Variants in NRIP1 observed in about 807,000 individuals in gnomAD.
NRIP1 encodes the protein nuclear receptor-interacting protein 1.
A neutral mutation model predicts 75.0 loss-of-function variants in NRIP1; 28 were observed. The observed-to-expected ratio is 0.37, with a 90% CI of 0.28 to 0.51. The LOEUF is 0.51. NRIP1 is among the 20% of genes least tolerant of loss of function. The pLI is 0.92. For synonymous variants in NRIP1, 526 were observed against 487.6 expected, an observed-to-expected ratio of 1.08 and a Z score of -1.04; for missense variants, 1,435 against 1,343.7, an observed-to-expected ratio of 1.07 and a Z score of -1.06.
At chr21:14,975,158 A>C (rs192361910) in intron 3 of NRIP1, among the ~76,000 whole-genome samples, 10 of 152,208 alleles carry the variant, frequency 6.6e-5, no homozygotes, top group African/African-American at 2.4e-4. Flanking sequence ...GGAAACATTC[A>C]TCTAGGATGT....
At chr21:15,012,441 T>C (rs1227790044) in intron 3 of NRIP1, among the ~76,000 whole-genome samples, 2 of 139,950 alleles carry the variant, frequency 1.4e-5, no homozygotes, top group Non-Finnish European at 3.1e-5. Flanking sequence ...CTATACATTA[T>C]AATGTCTTTT....
chr21:14,977,311 G>A (rs760739169), intron 3 of NRIP1, among the ~76,000 whole-genome samples: 3 of 152,144 alleles, frequency 2.0e-5, no homozygotes, highest in Non-Finnish European at 2.9e-5. Context: ...GAGAACTCTC[G>A]TTGTTCTCCA....
At chr21:14,996,326 C>T (rs9305525) in intron 3 of NRIP1, among the ~76,000 whole-genome samples, 67,693 of 151,494 alleles carry the variant, frequency 0.45, 18,274 homozygotes, top group African/African-American at 0.78. Flanking sequence ...TACAGCTCTC[C>T]AGCTACACAG....
At chr21:15,002,594 A>G (rs148972432) in intron 3 of NRIP1, among the ~76,000 whole-genome samples, 5 of 152,272 alleles carry the variant, frequency 3.3e-5, no homozygotes, top group Non-Finnish European at 7.4e-5. Context: ...CAGGGGCATA[A>G]AATTACCTCC....
Position 14,961,309 on chromosome 21 carries a change from A to G in NRIP1, c.*3407T>C, listed in dbSNP as rs2086585329. 6.6e-6 allele frequency: 1 copy of G among 152,430 alleles called. No homozygotes were observed. Among genetic ancestry groups the G allele is most frequent in the Non-Finnish European group, 1.5e-5 (1 of 67,902 alleles). The allele number at this position is 152,430 out of a possible 1,614,324, so 9.4% of individuals were successfully genotyped here. A position where few individuals can be genotyped will look rare whatever the true frequency, so the allele number is the denominator to read the frequency against. On this transcript the variant is annotated 3_prime_UTR_variant, in exon 4 of 4. Coordinates refer to ENST00000318948, the MANE Select transcript of NRIP1 (RefSeq NM_003489.4). ...CTAAAAGATTAAAAAACAAAACAAAAAAATTCACACTGCAGTATGTACAGT... is the reference window on the plus strand; with the variant it reads ...CTAAAAGATTAAAAAACAAAACAAAGAAATTCACACTGCAGTATGTACAGT...
At chr21:14,976,666 C>A (rs995158626) in intron 3 of NRIP1, among the ~76,000 whole-genome samples, 2 of 152,158 alleles carry the variant, frequency 1.3e-5, no homozygotes, top group African/African-American at 2.4e-5. Context: ...GGAACTTCTA[C>A]ACACTTTAAA....
At position 14,962,014 on chromosome 21, in the gene NRIP1, A is replaced by ATT. The variant is rs1190943964; in HGVS notation, c.*2700_*2701dup. On this transcript the variant is annotated 3_prime_UTR_variant, in exon 4 of 4. Transcript: ENST00000318948. ...CAAGTCAATATATATATATATACATATTATATATATATATATATATATATA... is the reference window on the plus strand; with the variant it reads ...CAAGTCAATATATATATATATACATATTTTATATATATATATATATATATATA... The ATT allele has an allele frequency of 3.2e-4, 18 of 55,554 alleles. No individual in the cohort carries two copies. The Admixed American group carries it at 3.4e-3, about 10-fold the overall frequency. The allele number at this position is 55,554 out of a possible 1,614,324, so 3.4% of individuals were successfully genotyped here. A position where few individuals can be genotyped will look rare whatever the true frequency, so the allele number is the denominator to read the frequency against.
At chr21:15,040,968 C>T (rs8133792) in intron 2 of NRIP1, among the ~76,000 whole-genome samples, 18,718 of 152,040 alleles carry the variant, frequency 0.12, 1,282 homozygotes, top group East Asian at 0.31. Context: ...AACACATGCA[C>T]ATCCCACCAC....
In NRIP1 at chr21:14,964,692, C is replaced by T. The variant is rs746525494; in HGVS notation, c.*24G>A. 2.7e-6 allele frequency: 4 copies of T among 1,486,038 alleles called. No individual in the cohort carries two copies. The Admixed American group carries it at 9.4e-5, about 35-fold the overall frequency. 92.1% of individuals were successfully genotyped at this position (1,486,038 alleles called of 1,614,324 possible). A position where few individuals can be genotyped will look rare whatever the true frequency, so the allele number is the denominator to read the frequency against. Reference sequence around the variant, plus strand: ...TCATACTCATTAGTTTTAAAAAGATCCAAAACTGGATGGCAGGTACATTTT... The same window carrying T: ...TCATACTCATTAGTTTTAAAAAGATTCAAAACTGGATGGCAGGTACATTTT... On this transcript the variant is annotated 3_prime_UTR_variant, in exon 4 of 4. Transcript: ENST00000318948.
intron 2 of NRIP1, among the ~76,000 whole-genome samples, chr21:15,029,602 G>A (rs1308759349): frequency 6.6e-6 from 1 of 151,626 alleles, no homozygotes; most frequent in Non-Finnish European, 1.5e-5. Flanking sequence ...TTTCTCTTTT[G>A]TTCACTGTTC....
chr21:15,055,954 G>C (rs571543974), intron 1 of NRIP1, among the ~76,000 whole-genome samples: 30 of 151,886 alleles, frequency 2.0e-4, no homozygotes, highest in Non-Finnish European at 2.8e-4. Context: ...AAAGATGAAT[G>C]AGATATTAAG....
At chr21:15,065,005 G>A (rs1342024384), upstream of NRIP1, 7 of 153,616 alleles carry the variant, frequency 4.6e-5, no homozygotes, top group Non-Finnish European at 8.7e-5. Flanking sequence ...ATGTCTGCGA[G>A]GCTGACTTTG....
intron 3 of NRIP1, among the ~76,000 whole-genome samples, chr21:14,977,775 T>G (rs2087114447): frequency 6.6e-6 from 1 of 152,194 alleles, no homozygotes; most frequent in Admixed American, 6.5e-5. Context: ...GATAATAACT[T>G]TCTTTGAAGT....
Position 14,966,743 on chromosome 21 carries a change from G to T in NRIP1, c.1450C>A (p.Gln484Lys), listed in dbSNP as rs762036529. 2 of 1,614,024 alleles carry T rather than the reference G, an allele frequency of 1.2e-6. No individual in the cohort carries two copies. The highest frequency in any genetic ancestry group is 1.1e-5 in the South Asian group (1 of 91,076). ...KVPDVDIKED[Q>K]DTSKNSKLNS... ...AGCTTAGAATTCTTTGAGGTATCTT[G>T]ATCTTCTTTGATATCTACATCTGGG... The change falls in exon 4 of 4, where the codon CAA (glutamine) becomes AAA (lysine). Residue 484 changes from glutamine (Q) to lysine (K), a missense_variant. Physicochemically the swap from Gln to Lys is moderately conservative, Grantham distance 53. Coordinates refer to ENST00000318948, the MANE Select transcript of NRIP1 (RefSeq NM_003489.4).
chr21:14,985,331 A>C (rs2087365898), intron 3 of NRIP1, among the ~76,000 whole-genome samples: 1 of 152,246 alleles, frequency 6.6e-6, no homozygotes, highest in South Asian at 2.1e-4. Context: ...TTCAGATCCA[A>C]TATATCTTTT....
chr21:14,994,726 G>C (rs1346967134), intron 3 of NRIP1, among the ~76,000 whole-genome samples: 1 of 152,132 alleles, frequency 6.6e-6, no homozygotes, highest in East Asian at 1.9e-4. Flanking sequence ...CTGAAGCTAA[G>C]AGAACCAGCC....
chr21:15,024,505 G>T (rs1028888245), intron 2 of NRIP1, among the ~76,000 whole-genome samples: 2 of 152,010 alleles, frequency 1.3e-5, no homozygotes, highest in Non-Finnish European at 2.9e-5. Context: ...ACGCATCACT[G>T]CACTCCAGCC....
At position 15,037,498 on chromosome 21, in the gene NRIP1, A is replaced by G. The variant is rs79657064; in HGVS notation, c.-458+5997T>C. ...AACCCCCTCCATCTAGAAGTTTATA[A>G]TTTTGCTGCAGCGATGAATGAAACG... On this transcript the variant is annotated intron_variant, in intron 2 of 3. Coordinates refer to ENST00000318948, the MANE Select transcript of NRIP1 (RefSeq NM_003489.4). Among the ~76,000 whole-genome samples, 7 of 152,166 alleles carry G rather than the reference A, an allele frequency of 4.6e-5. No homozygotes were observed. In the East Asian group the frequency reaches 1.3e-3, roughly 29 times the overall value.
Position 15,035,209 on chromosome 21 carries a change from C to A in NRIP1, c.-458+8286G>T, listed in dbSNP as rs569890435. Among the ~76,000 whole-genome samples the A allele has an allele frequency of 7.2e-5, 11 of 152,144 alleles. No homozygotes were observed. The South Asian group carries it at 2.3e-3, about 32-fold the overall frequency. ...ACTCAAGAGGTAAAAGAGAAATATA[C>A]CCTTTGTTTTAAATTTTTTTAAAAA... On this transcript the variant is annotated intron_variant, in intron 2 of 3. Transcript: ENST00000318948.
Sources: gnomAD v4.1 joint callset for allele counts (sites outside exome capture counted in the v4.1 genomes callset) on GRCh38, gnomAD v4.1.1 for gene constraint, MANE v1.5 for transcripts, NCBI Gene and HGNC (gene_info 2026-07-23, HGNC 2026-07-21) for gene names.